The following PKD1L1 variants were observed in gnomAD, a reference collection of about 807,000 sequenced individuals.
The protein encoded by PKD1L1 is polycystin-1-like protein 1.
A neutral mutation model predicts 323.4 loss-of-function variants in PKD1L1; 236 were observed. The ratio of observed to expected loss-of-function variants is 0.73; its 90% CI spans 0.66 to 0.81. The LOEUF is 0.81. PKD1L1 is among the 40% of genes least tolerant of loss of function. The pLI is 0.00. For synonymous variants in PKD1L1, 1,344 were observed against 1,335.0 expected (o/e 1.01, Z -0.15); for missense variants, 3,320 against 3,508.0 (o/e 0.95, Z 1.35).
intron 14 of PKD1L1, among the ~76,000 whole-genome samples, chr7:47,894,392 C>T (rs895439775): frequency 1.3e-5 from 2 of 152,204 alleles, no homozygotes; most frequent in Admixed American, 1.3e-4. Context: ...ATTGTTCAGG[C>T]TCCTGGCTTT....
intron 50 of PKD1L1, among the ~76,000 whole-genome samples, chr7:47,810,284 C>T (rs937771122): frequency 5.9e-5 from 9 of 152,190 alleles, no homozygotes; most frequent in South Asian, 4.1e-4. Flanking sequence ...AACAGCAGTG[C>T]TGTGCTGAGC....
At chr7:47,914,983 T>TA (rs1186897325) in intron 8 of PKD1L1, among the ~76,000 whole-genome samples, 1 of 152,090 alleles carries the variant, frequency 6.6e-6, no homozygotes. Flanking sequence ...CATCAGGACT[T>TA]AAAGTTAAAA....
chr7:47,814,410 AGCTC>A (rs780154837), intron 47 of PKD1L1, among the ~76,000 whole-genome samples: 2 of 152,224 alleles, frequency 1.3e-5, no homozygotes, highest in Non-Finnish European at 2.9e-5. Context: ...GACAGAGAAT[AGCTC>A]TGTTGCCCAG....
chr7:47,958,119 A>G, the PKD1L1 span, among the ~76,000 whole-genome samples: 1 of 152,200 alleles, frequency 6.6e-6, no homozygotes, highest in Non-Finnish European at 1.5e-5. Flanking sequence ...GTAACCACAA[A>G]AGACCTTGAA....
At chr7:47,788,577 A>ATATATATT (rs939251075) in intron 56 of PKD1L1, among the ~76,000 whole-genome samples, 2,425 of 137,938 alleles carry the variant, frequency 0.018, 33 homozygotes, top group Middle Eastern at 0.031. Context: ...ATATATATAT[A>ATATATATT]TTTTTTTTTT....
At chr7:47,779,089 A>G (rs1270370814) in intron 56 of PKD1L1, among the ~76,000 whole-genome samples, 4 of 152,172 alleles carry the variant, frequency 2.6e-5, no homozygotes, top group Non-Finnish European at 4.4e-5. Flanking sequence ...TGCCAAAAAC[A>G]TACCACTGTG....
chr7:47,909,238 T>C (rs1042935392), intron 8 of PKD1L1, among the ~76,000 whole-genome samples: 8 of 152,272 alleles, frequency 5.3e-5, no homozygotes, highest in African/African-American at 1.7e-4. Context: ...AGCTTGATAA[T>C]GTTAAGTGAT....
At chr7:47,925,103 A>T (rs1787631615) in intron 7 of PKD1L1, among the ~76,000 whole-genome samples, 1 of 152,226 alleles carries the variant, frequency 6.6e-6, no homozygotes, top group African/African-American at 2.4e-5. Context: ...TCTATATACC[A>T]ATGACAACCA....
chr7:47,839,704 G>T lies in PKD1L1; in HGVS notation c.5553-42C>A. ...CAGCATCTCAGCCGGGTGGGTGACAGTGTGGTCCTGGCATCCCATCAGCCC... is the reference window on the plus strand; with the variant it reads ...CAGCATCTCAGCCGGGTGGGTGACATTGTGGTCCTGGCATCCCATCAGCCC... On this transcript the variant is annotated intron_variant, in intron 35 of 56. Coordinates refer to ENST00000289672, the MANE Select transcript of PKD1L1 (RefSeq NM_138295.5). The surrounding 1 kb of genome is among the most constrained non-coding windows in gnomAD (Gnocchi z 4.3). 6.5e-7 allele frequency: 1 copy of T among 1,534,234 alleles called. No homozygotes were observed. The highest frequency in any genetic ancestry group is 2.0e-5 in the Admixed American group (1 of 50,816).
chr7:47,855,342 A>G, intron 28 of PKD1L1, 77 bp from the exon 29 acceptor site: 1 of 1,008,316 alleles, frequency 9.9e-7, no homozygotes, highest in South Asian at 1.5e-5. Context: ...AAACCAAAGT[A>G]TCGTGGTGCT....
Position 47,940,368 on chromosome 7 carries a change from A to G in PKD1L1, c.161-51T>C, listed in dbSNP as rs1176841122. The G allele has an allele frequency of 2.5e-6, 4 of 1,574,236 alleles. No individual in the cohort carries two copies. The South Asian group carries it at 3.5e-5, about 14-fold the overall frequency. ...TTCTGAAGACTGCAATGTGCTGGGA[A>G]GGTGAGAACATAAAGCTGGAGAAGC... is the stretch of plus-strand genomic sequence containing the variant. On this transcript the variant is annotated intron_variant, in intron 2 of 56. Transcript: ENST00000289672.
intron 7 of PKD1L1, among the ~76,000 whole-genome samples, chr7:47,921,874 TCCCTCTC>T (rs901285464): frequency 7.9e-5 from 12 of 151,838 alleles, no homozygotes; most frequent in Non-Finnish European, 1.3e-4. Flanking sequence ...CACTCCTCTC[TCCCTCTC>T]CCCTCTCCCC....
intron 2 of PKD1L1, among the ~76,000 whole-genome samples, chr7:47,942,299 G>A (rs529766241): frequency 3.3e-5 from 5 of 152,080 alleles, no homozygotes; most frequent in Non-Finnish European, 7.3e-5. Context: ...TGCTCTGTAC[G>A]TAAGCAGCAG....
intron 51 of PKD1L1, 38 bp from the exon 52 acceptor site, chr7:47,808,425 G>C: frequency 6.2e-7 from 1 of 1,611,748 alleles, no homozygotes; most frequent in Non-Finnish European, 8.5e-7. Context: ...GATGGCTCCT[G>C]AGGAAGGGCT....
At position 47,855,200 on chromosome 7, in the gene PKD1L1, C is replaced by T. The variant is rs777956896; in HGVS notation, c.4656G>A (p.Trp1552Ter). The T allele has an allele frequency of 2.5e-6, 4 of 1,614,032 alleles. No homozygotes were observed. Among genetic ancestry groups the T allele is most frequent in the Non-Finnish European group, 3.4e-6 (4 of 1,180,026 alleles). ...ACTCGACCATCACGGGTTTCCTTAGCCATTGCCTGTTGATGGGTCTTCTGC... is the reference window on the plus strand; with the variant it reads ...ACTCGACCATCACGGGTTTCCTTAGTCATTGCCTGTTGATGGGTCTTCTGC... Reference protein sequence around the residue: ...CSSRRPINRQWLRKPVMVEFG... With the variant: ...CSSRRPINRQ The change falls in exon 29 of 57, where the codon TGG becomes TGA. Residue 1552 changes from tryptophan to a stop codon, truncating the protein, a stop_gained. Coordinates refer to ENST00000289672, the MANE Select transcript of PKD1L1 (RefSeq NM_138295.5). LOFTEE classifies it high-confidence loss of function.
chr7:47,934,002 C>G (rs1411614953), intron 4 of PKD1L1, among the ~76,000 whole-genome samples: 1 of 152,186 alleles, frequency 6.6e-6, no homozygotes, highest in Non-Finnish European at 1.5e-5. Flanking sequence ...TCTTGGCTTC[C>G]CCTGGACTGG....
At chr7:47,909,049 C>G (rs1787265455) in intron 8 of PKD1L1, among the ~76,000 whole-genome samples, 1 of 152,206 alleles carries the variant, frequency 6.6e-6, no homozygotes, top group Non-Finnish European at 1.5e-5. Context: ...GAAGAACTCC[C>G]AGCAGAACTG....
Position 47,820,504 on chromosome 7 carries a change from C to A in PKD1L1, c.6965+572G>T, listed in dbSNP as rs148197771. Among the ~76,000 whole-genome samples the A allele has an allele frequency of 6.7e-3, 1,014 of 152,290 alleles. 6 individuals carry two copies. The highest frequency in any genetic ancestry group is 0.011 in the Non-Finnish European group (724 of 68,032). On this transcript the variant is annotated intron_variant, in intron 46 of 56. Coordinates refer to ENST00000289672, the MANE Select transcript of PKD1L1 (RefSeq NM_138295.5). The stretch of plus-strand genomic sequence containing the variant: ...CTTTGGGAGGCCGAGGCGGGTGGAT[C>A]ACTTGAGGTCAGGAGTTCAAGACCA...
chr7:47,813,641 T>G, intron 48 of PKD1L1: 1 of 667,486 alleles, frequency 1.5e-6, no homozygotes, highest in East Asian at 2.9e-5. Flanking sequence ...TTTAGATTGT[T>G]TGATTAAAAA....
Sources: gnomAD v4.1 joint callset for allele counts (sites outside exome capture counted in the v4.1 genomes callset) on GRCh38, gnomAD v4.1.1 for gene constraint, Gnocchi (gnomAD v3.1) non-coding constraint, MANE v1.5 for transcripts, NCBI Gene and HGNC (gene_info 2026-07-23, HGNC 2026-07-21) for gene names.